Variants in CABIN1 observed in about 807,000 individuals in gnomAD.
The protein encoded by CABIN1 is calcineurin-binding protein cabin-1.
A neutral mutation model predicts 227.7 loss-of-function variants in CABIN1; 133 were observed. The ratio of observed to expected loss-of-function variants is 0.58; its 90% CI spans 0.51 to 0.67. The LOEUF is 0.67. Ranked by LOEUF, CABIN1 falls within the 30% of genes least tolerant of loss-of-function variation. The pLI is 0.00. For synonymous variants in CABIN1, 1,086 were observed against 1,155.1 expected (o/e 0.94, Z 1.21); for missense variants, 2,408 against 2,852.5 (o/e 0.84, Z 3.55).
intron 8 of CABIN1, among the ~76,000 whole-genome samples, chr22:24,053,078 C>CTTTTTTTTTTTTTTTT (rs71184943): frequency 7.6e-6 from 1 of 131,280 alleles, no homozygotes; most frequent in African/African-American, 3.0e-5. Flanking sequence ...TTTCTTTTTT[C>CTTTTTTTTTTTTTTTT]TTTTTTTTTT....
chr22:24,139,322 C>A (rs1205220592), intron 29 of CABIN1, among the ~76,000 whole-genome samples: 3 of 152,154 alleles, frequency 2.0e-5, no homozygotes, highest in Non-Finnish European at 4.4e-5. Context: ...CGCCTGTAAT[C>A]CCAGCACTTT....
At chr22:24,017,235 C>T (rs886288387) in intron 1 of CABIN1, among the ~76,000 whole-genome samples, 10 of 151,952 alleles carry the variant, frequency 6.6e-5, no homozygotes, top group African/African-American at 2.4e-4. Context: ...GACAGGGTTT[C>T]ACTGTGTTAG....
chr22:24,134,211 T>C, intron 28 of CABIN1, 91 bp from the exon 29 acceptor site: 5 of 844,288 alleles, frequency 5.9e-6, no homozygotes, highest in Non-Finnish European at 9.9e-6. Context: ...TGGTTTGCCA[T>C]GCAGCCAGGA....
Position 24,084,718 on chromosome 22 carries a change from C to G in CABIN1, c.3050C>G (p.Pro1017Arg), listed in dbSNP as rs1471799192. The change falls in exon 21 of 37, where the codon CCT becomes CGT. Residue 1017 changes from proline to arginine, a missense_variant. Pro to Arg is a moderately radical substitution (Grantham distance 103). Coordinates refer to ENST00000263119, the MANE Select transcript of CABIN1 (RefSeq NM_012295.4). ...NLLKRIATIV[P>R]RTERPALSLD... Reference sequence around the variant, plus strand: ...CTGAAGAGAATTGCCACCATTGTGCCTCGCACAGAGAGGCCAGCCCTTAGC... The same window carrying G: ...CTGAAGAGAATTGCCACCATTGTGCGTCGCACAGAGAGGCCAGCCCTTAGC... 1.2e-6 allele frequency: 2 copies of G among 1,614,102 alleles called. No homozygotes were observed. The highest frequency in any genetic ancestry group is 1.1e-5 in the South Asian group (1 of 91,086).
At chr22:24,174,336 C>T (rs2046990963) in intron 34 of CABIN1, among the ~76,000 whole-genome samples, 1 of 152,044 alleles carries the variant, frequency 6.6e-6, no homozygotes, top group Admixed American at 6.6e-5. Context: ...ACCATGTTGC[C>T]CAAGCTGGTC....
At position 24,076,196 on chromosome 22, in the gene CABIN1, C is replaced by T. The variant is rs748182178; in HGVS notation, c.2660C>T (p.Ser887Phe). The T allele has an allele frequency of 1.9e-6, 3 of 1,614,168 alleles. No individual in the cohort carries two copies. Among genetic ancestry groups the T allele is most frequent in the Non-Finnish European group, 2.5e-6 (3 of 1,180,020 alleles). Residue 887 changes from serine to phenylalanine, a missense_variant, in exon 19 of 37, where the codon TCC becomes TTC. This residue lies in a region of CABIN1 where 1,045 missense variants were observed against 1,168.4 expected (regional missense o/e 0.89). Coordinates refer to ENST00000263119, the MANE Select transcript of CABIN1 (RefSeq NM_012295.4). ...EGMSETPMLP[S>F]SLMLLNTAHE... ...ATGTCAGAGACGCCCATGCTCCCAT[C>T]CTCCCTCATGCTGCTGAACACAGCC...
chr22:24,070,945 G>A lies in CABIN1; in HGVS notation c.2378G>A (p.Gly793Asp), dbSNP rs754894588. ...GCCACAGTGACCCAACTGCTGATGGGCATCGAGCAGGCCCTCTCTGCGGAC... is the reference window on the plus strand; with the variant it reads ...GCCACAGTGACCCAACTGCTGATGGACATCGAGCAGGCCCTCTCTGCGGAC... ...WVATVTQLLMGIEQALSADSS... is the reference protein window; with the variant it reads ...WVATVTQLLMDIEQALSADSS... The change falls in exon 17 of 37, where the codon GGC (glycine) becomes GAC (aspartate). Residue 793 changes from glycine (G) to aspartate (D), a missense_variant. This residue lies in a region of CABIN1 where 1,045 missense variants were observed against 1,168.4 expected (regional missense o/e 0.89). Coordinates refer to ENST00000263119, the MANE Select transcript of CABIN1 (RefSeq NM_012295.4). The A allele has an allele frequency of 4.6e-5, 75 of 1,614,082 alleles. No individual in the cohort carries two copies. The Admixed American group carries it at 1.2e-3, about 27-fold the overall frequency.
chr22:24,049,037 C>G, intron 6 of CABIN1, 54 bp from the exon 7 acceptor site: 2 of 1,605,350 alleles, frequency 1.2e-6, no homozygotes, highest in South Asian at 2.2e-5. Context: ...ACTGGCAAGG[C>G]CAGAGCTTCT....
chr22:24,165,745 C>T, intron 31 of CABIN1, 119 bp downstream of exon 31: 1 of 806,846 alleles, frequency 1.2e-6, no homozygotes, highest in South Asian at 1.5e-5. Flanking sequence ...CCTAAGGGTC[C>T]CCATCTGTGA....
rs766908439 is a variant in CABIN1, at chr22:24,059,972, G to A, written c.1448G>A (p.Gly483Asp). Residue 483 changes from glycine (G) to aspartate (D), a missense_variant, in exon 12 of 37, where the codon GGC becomes GAC. Coordinates refer to ENST00000263119, the MANE Select transcript of CABIN1 (RefSeq NM_012295.4). The stretch of plus-strand genomic sequence containing the variant: ...CTGCTGGAGAACCTAACCAACGGGG[G>A]CATCCTGGAGCTGATGATGCGCTAC... ...EFLLENLTNG[G>D]ILELMMRYLK... The A allele has an allele frequency of 8.1e-6, 13 of 1,614,252 alleles. No homozygotes were observed. In the East Asian group the frequency reaches 2.7e-4, roughly 33 times the overall value.
intron 15 of CABIN1, among the ~76,000 whole-genome samples, chr22:24,066,639 G>T (rs939099699): frequency 2.0e-5 from 3 of 152,118 alleles, no homozygotes; most frequent in African/African-American, 7.2e-5. Context: ...CTGACAACCC[G>T]ATGTTCCGCA....
chr22:24,124,049 T>C (rs1602218916), intron 28 of CABIN1, among the ~76,000 whole-genome samples: 2 of 151,924 alleles, frequency 1.3e-5, no homozygotes, highest in East Asian at 3.8e-4. Flanking sequence ...GCCACTTGCT[T>C]AGTTGCTGAC....
intron 34 of CABIN1, among the ~76,000 whole-genome samples, chr22:24,173,601 C>T (rs1299754776): frequency 1.3e-5 from 2 of 152,118 alleles, no homozygotes; most frequent in African/African-American, 2.4e-5. Flanking sequence ...AGTGGGAGGC[C>T]GAGGTGGGCG....
Position 24,177,861 on chromosome 22 carries a change from A to G in CABIN1, c.6519+44A>G. 2 of 1,448,744 alleles carry G rather than the reference A, an allele frequency of 1.4e-6. No individual in the cohort carries two copies. Among genetic ancestry groups the G allele is most frequent in the South Asian group, 1.2e-5 (1 of 85,866 alleles). The allele number at this position is 1,448,744 out of a possible 1,614,324, so 89.7% of individuals were successfully genotyped here. ...CTGGAGCCATGTGTGGGTGGGAGGC[A>G]TAGGTTACAAAGGGGGCCTAGGATG... On this transcript the variant is annotated intron_variant, in intron 36 of 36. Transcript: ENST00000263119. This position sits in a 1 kb window ranked among gnomAD's most constrained non-coding sequence, Gnocchi z 4.4.
chr22:24,110,865 T>G (rs1007366534), intron 26 of CABIN1, among the ~76,000 whole-genome samples: 1 of 18,896 alleles, frequency 5.3e-5, no homozygotes, highest in Non-Finnish European at 1.0e-4. Flanking sequence ...CCCACCTAGG[T>G]GTGATTTTTT....
chr22:24,031,869 C>T (rs983839850), intron 1 of CABIN1, among the ~76,000 whole-genome samples: 3 of 152,148 alleles, frequency 2.0e-5, no homozygotes, highest in African/African-American at 7.2e-5. Context: ...ATGACCAGAG[C>T]CTATCTGAGA....
chr22:24,142,903 C>T (rs1424093495), intron 29 of CABIN1, among the ~76,000 whole-genome samples: 1 of 152,162 alleles, frequency 6.6e-6, no homozygotes, highest in African/African-American at 2.4e-5. Context: ...TCCCATATCA[C>T]CTTCTCCCCT....
chr22:24,058,668 A>G (rs1248275781), intron 10 of CABIN1, among the ~76,000 whole-genome samples: 3 of 152,284 alleles, frequency 2.0e-5, no homozygotes, highest in African/African-American at 7.2e-5. Flanking sequence ...AGGTCCTAGA[A>G]CACACCAGGT....
intron 16 of CABIN1, among the ~76,000 whole-genome samples, chr22:24,068,532 A>G (rs969589013): frequency 1.3e-5 from 2 of 152,228 alleles, no homozygotes; most frequent in Non-Finnish European, 2.9e-5. Context: ...CTGAGCTGTG[A>G]TAAGGGCTGT....
Sources: gnomAD v4.1 joint callset for allele counts (sites outside exome capture counted in the v4.1 genomes callset) on GRCh38, gnomAD v4.1.1 for gene constraint, gnomAD v4.1.1 regional missense constraint, Gnocchi (gnomAD v3.1) non-coding constraint, MANE v1.5 for transcripts, NCBI Gene and HGNC (gene_info 2026-07-23, HGNC 2026-07-21) for gene names.